Variants in BCAT1 observed in about 807,000 individuals in gnomAD.
BCAT1 encodes the protein branched-chain-amino-acid aminotransferase, cytosolic.
A neutral mutation model predicts 52.4 loss-of-function variants in BCAT1; 48 were observed. The observed-to-expected ratio is 0.92, with a 90% CI of 0.73 to 1.16. BCAT1 has a LOEUF of 1.16. BCAT1 is among the 50% of genes most tolerant of loss of function. The pLI, the probability that BCAT1 is intolerant of heterozygous loss-of-function variation, is 0.00. For missense variants in BCAT1, 451 were observed against 457.1 expected (o/e 0.99, Z 0.12); for synonymous variants, 167 against 161.3 (o/e 1.04, Z -0.27).
At position 24,936,732 on chromosome 12, in the gene BCAT1, CACACACACAT is replaced by C. The variant is rs1339725565; in HGVS notation, c.6+12185_6+12194del. On this transcript the variant is annotated intron_variant, in intron 1 of 10. Coordinates refer to ENST00000261192, the MANE Select transcript of BCAT1 (RefSeq NM_005504.7). ...TCTCAATCTCTCTCTCTCACACACA[CACACACACAT>C]ACACACACACATACACACACACCCC... Among the ~76,000 whole-genome samples the C allele has an allele frequency of 2.6e-5, 4 of 151,144 alleles. No individual in the cohort carries two copies. In the East Asian group the frequency reaches 7.7e-4, roughly 29 times the overall value.
At chr12:24,946,640 T>G (rs1173923543) in intron 1 of BCAT1, among the ~76,000 whole-genome samples, 14 of 152,216 alleles carry the variant, frequency 9.2e-5, no homozygotes, top group Admixed American at 9.2e-4. Flanking sequence ...CGGGGGGACG[T>G]GACTGAAGTC....
At chr12:24,822,478 CA>C (rs1454714617) in intron 10 of BCAT1, among the ~76,000 whole-genome samples, 2 of 152,126 alleles carry the variant, frequency 1.3e-5, no homozygotes, top group Non-Finnish European at 2.9e-5. Context: ...CATGTCATGC[CA>C]AAAGTAATGA....
At chr12:24,849,216 T>A (rs1356466977) in intron 6 of BCAT1, among the ~76,000 whole-genome samples, 2 of 152,282 alleles carry the variant, frequency 1.3e-5, no homozygotes, top group Non-Finnish European at 2.9e-5. Context: ...TGCTCTTTTA[T>A]TTCCTGCCAG....
At position 24,849,966 on chromosome 12, in the gene BCAT1, G is replaced by A; in HGVS notation, c.511-17C>T. Reference sequence around the variant, plus strand: ...AAGAGAAGGCTGCAACAAAGTAGAAGTACATACAACTGTAACTTAAAATGT... The same window carrying A: ...AAGAGAAGGCTGCAACAAAGTAGAAATACATACAACTGTAACTTAAAATGT... On this transcript the variant is annotated splice_polypyrimidine_tract_variant and intron_variant, in intron 5 of 10. Coordinates refer to ENST00000261192, the MANE Select transcript of BCAT1 (RefSeq NM_005504.7). The A allele has an allele frequency of 6.3e-7, 1 of 1,592,440 alleles. No homozygotes were observed. Among genetic ancestry groups the A allele is most frequent in the African/African-American group, 1.3e-5 (1 of 74,402 alleles).
chr12:24,878,431 TG>T (rs765298173), intron 5 of BCAT1, 98 bp downstream of exon 5: 6 of 1,122,422 alleles, frequency 5.3e-6, no homozygotes, highest in South Asian at 2.2e-5. Flanking sequence ...ATGATGCTAC[TG>T]GGGGGCTACT....
At chr12:24,945,285 C>T (rs1425004549) in intron 1 of BCAT1, 1 of 152,124 alleles carries the variant, frequency 6.6e-6, no homozygotes, top group South Asian at 2.1e-4. Flanking sequence ...AATAAAAGCA[C>T]CTAAATGCTT....
At position 24,811,056 on chromosome 12, in the gene BCAT1, T is replaced by G. The variant is rs1460073336; in HGVS notation, c.*6952A>C. 6.6e-6 allele frequency: 1 copy of G among 152,222 alleles called. No individual in the cohort carries two copies. The highest frequency in any genetic ancestry group is 1.9e-4 in the East Asian group (1 of 5,204). 9.4% of individuals were successfully genotyped at this position (152,222 alleles called of 1,614,324 possible). On this transcript the variant is annotated 3_prime_UTR_variant, in exon 11 of 11. Transcript: ENST00000261192. Reference sequence around the variant, plus strand: ...AAGAGGTAATCTACTCCCCCCATTCTGTGCAAATCTCAAACGACAAAGCTA... The same window carrying G: ...AAGAGGTAATCTACTCCCCCCATTCGGTGCAAATCTCAAACGACAAAGCTA...
chr12:24,900,368 A>C (rs937341252), intron 2 of BCAT1, among the ~76,000 whole-genome samples: 1 of 152,154 alleles, frequency 6.6e-6, no homozygotes, highest in African/African-American at 2.4e-5. Flanking sequence ...GGAGGGTTGC[A>C]CAAGCCCAGG....
chr12:24,911,710 C>T (rs757323576), intron 1 of BCAT1, among the ~76,000 whole-genome samples: 38 of 152,126 alleles, frequency 2.5e-4, no homozygotes, highest in Non-Finnish European at 3.5e-4. Flanking sequence ...CCCTCCCCAC[C>T]CCTCGTCCTC....
intron 1 of BCAT1, among the ~76,000 whole-genome samples, chr12:24,920,403 A>T (rs1008386202): frequency 6.6e-6 from 1 of 152,200 alleles, no homozygotes; most frequent in Admixed American, 6.5e-5. Context: ...TAGATGCTCC[A>T]TAAATCCTCT....
chr12:24,909,680 C>T (rs1182268067), intron 1 of BCAT1, among the ~76,000 whole-genome samples: 1 of 152,188 alleles, frequency 6.6e-6, no homozygotes. Flanking sequence ...TGTGTTTTCC[C>T]TTCCTGTCTG....
At chr12:24,879,933 T>C (rs1942447523) in intron 4 of BCAT1, among the ~76,000 whole-genome samples, 1 of 152,226 alleles carries the variant, frequency 6.6e-6, no homozygotes. Flanking sequence ...TACTTCCCTT[T>C]CCTTCCAGCC....
At chr12:24,907,117 C>T (rs954672221) in intron 1 of BCAT1, among the ~76,000 whole-genome samples, 1 of 152,196 alleles carries the variant, frequency 6.6e-6, no homozygotes, top group Non-Finnish European at 1.5e-5. Flanking sequence ...CTCTCTCCCC[C>T]CACACATTTA....
intron 5 of BCAT1, among the ~76,000 whole-genome samples, chr12:24,872,332 A>T (rs1382138336): frequency 1.3e-5 from 2 of 152,208 alleles, no homozygotes; most frequent in Non-Finnish European, 2.9e-5. Flanking sequence ...AGACAGACAA[A>T]TCTCATCTCC....
At position 24,837,038 on chromosome 12, in the gene BCAT1, AAAAAG is replaced by A. The variant is rs935277891; in HGVS notation, c.818-447_818-443del. Among the ~76,000 whole-genome samples the A allele has an allele frequency of 5.7e-5, 8 of 139,464 alleles. 1 individual carries two copies. In the East Asian group the frequency reaches 6.1e-4, roughly 11 times the overall value. 91.5% of individuals were successfully genotyped at this position (139,464 alleles called of 152,430 possible). A position where few individuals can be genotyped will look rare whatever the true frequency, so the allele number is the denominator to read the frequency against. ...GAAAGAAAAAAGAAAGAAAGAAAGA[AAAAAG>A]AAAAGAAAAGAAAGAGAGAAGGAAA... On this transcript the variant is annotated intron_variant, in intron 7 of 10. Coordinates refer to ENST00000261192, the MANE Select transcript of BCAT1 (RefSeq NM_005504.7).
At chr12:24,907,721 T>C (rs1368601122) in intron 1 of BCAT1, among the ~76,000 whole-genome samples, 1 of 152,170 alleles carries the variant, frequency 6.6e-6, no homozygotes, top group African/African-American at 2.4e-5. Context: ...CTTTGTAATA[T>C]TCTCCTCGCC....
intron 3 of BCAT1, among the ~76,000 whole-genome samples, chr12:24,884,664 C>T (rs558986424): frequency 6.6e-6 from 1 of 152,128 alleles, no homozygotes; most frequent in Non-Finnish European, 1.5e-5. Context: ...AATGACATGG[C>T]TTCAAATACA....
At chr12:24,829,548 A>C (rs1940558547) in intron 10 of BCAT1, among the ~76,000 whole-genome samples, 1 of 152,172 alleles carries the variant, frequency 6.6e-6, no homozygotes, top group Non-Finnish European at 1.5e-5. Flanking sequence ...ATGTTACCAA[A>C]AATTACATCT....
intron 1 of BCAT1, among the ~76,000 whole-genome samples, chr12:24,936,795 C>T (rs543126302): frequency 3.4e-4 from 52 of 151,420 alleles, no homozygotes; most frequent in African/African-American, 1.2e-3. Context: ...ATCTCCTTCT[C>T]TGATTCTGCT....
Sources: gnomAD v4.1 joint callset for allele counts (sites outside exome capture counted in the v4.1 genomes callset) on GRCh38, gnomAD v4.1.1 for gene constraint, MANE v1.5 for transcripts, NCBI Gene and HGNC (gene_info 2026-07-23, HGNC 2026-07-21) for gene names.